The following FHIT variants were observed in gnomAD, a reference collection of about 807,000 sequenced individuals.
The protein encoded by FHIT is bis(5'-adenosyl)-triphosphatase.
In FHIT, 19 loss-of-function variants were observed where a neutral mutation model predicts 17.9. The ratio of observed to expected loss-of-function variants is 1.06; its 90% confidence interval spans 0.74 to 1.56. The LOEUF is 1.56. Among genes scored for constraint, FHIT ranks in the 40% most tolerant of loss-of-function variants. The pLI, the probability that FHIT is intolerant of heterozygous loss-of-function variation, is 0.00. For missense variants in FHIT, 248 were observed against 189.2 expected (o/e 1.31, Z -1.82); for synonymous variants, 81 against 69.7 (o/e 1.16, Z -0.81).
chr3:60,524,412 T>C (rs530980404), intron 5 of FHIT, among the ~76,000 whole-genome samples: 11 of 152,106 alleles, frequency 7.2e-5, no homozygotes, highest in South Asian at 6.2e-4. Flanking sequence ...ATCTGGGGAA[T>C]TGGCATTCCA....
At chr3:60,370,519 C>T (rs1454748612) in intron 5 of FHIT, among the ~76,000 whole-genome samples, 2 of 152,068 alleles carry the variant, frequency 1.3e-5, no homozygotes. Context: ...ATTCAAAAAC[C>T]CCACAACAGA....
At chr3:60,029,899 G>GTGTATGTGTC (rs1553655742) in intron 5 of FHIT, among the ~76,000 whole-genome samples, 1 of 123,204 alleles carries the variant, frequency 8.1e-6, no homozygotes, top group Non-Finnish European at 1.8e-5. Flanking sequence ...GTGTGTGTCT[G>GTGTATGTGTC]TGTGTGTGTG....
intron 2 of FHIT, among the ~76,000 whole-genome samples, chr3:61,110,481 T>C (rs997199888): frequency 3.3e-5 from 5 of 152,188 alleles, no homozygotes; most frequent in African/African-American, 1.2e-4. Flanking sequence ...TAATTCCTCA[T>C]GGCATTTATC....
At chr3:60,418,679 G>T (rs1053190471) in intron 5 of FHIT, among the ~76,000 whole-genome samples, 3 of 144,902 alleles carry the variant, frequency 2.1e-5, no homozygotes, top group African/African-American at 7.7e-5. Flanking sequence ...ACTAACAATT[G>T]TGTGTGATGG....
At chr3:59,940,877 C>A (rs1222457534) in intron 7 of FHIT, among the ~76,000 whole-genome samples, 1 of 152,176 alleles carries the variant, frequency 6.6e-6, no homozygotes, top group East Asian at 1.9e-4. Context: ...CAGATCTCTG[C>A]TCAAGTGTTA....
intron 7 of FHIT, among the ~76,000 whole-genome samples, chr3:59,992,202 T>A (rs1699305872): frequency 6.6e-6 from 1 of 152,036 alleles, no homozygotes; most frequent in South Asian, 2.1e-4. Context: ...TATTACTCAT[T>A]GCCACACATT....
At chr3:60,282,492 A>G (rs1002446522) in intron 5 of FHIT, among the ~76,000 whole-genome samples, 1 of 152,184 alleles carries the variant, frequency 6.6e-6, no homozygotes, top group South Asian at 2.1e-4. Flanking sequence ...GTAATGGTGG[A>G]TACACGACAA....
At chr3:60,347,084 A>C (rs115992146) in intron 5 of FHIT, among the ~76,000 whole-genome samples, 2 of 151,424 alleles carry the variant, frequency 1.3e-5, no homozygotes, top group Non-Finnish European at 2.9e-5. Flanking sequence ...TTTTTTTCCA[A>C]TGCAAAGATT....
intron 3 of FHIT, among the ~76,000 whole-genome samples, chr3:60,927,556 C>T (rs1392287875): frequency 4.6e-5 from 7 of 152,006 alleles, no homozygotes; most frequent in South Asian, 2.1e-4. Context: ...TCTGCCTGGC[C>T]GCCCATCATC....
Position 60,536,845 on chromosome 3 carries a change from A to G in FHIT, c.103+15T>C, listed in dbSNP as rs778167289. On this transcript the variant is annotated intron_variant, in intron 5 of 9. Transcript: ENST00000492590. ...ACTTTTATTTTCCCTCTCCAAAAAA[A>G]AAAAGAAAGGATACGTCCTGGTACC... The G allele has an allele frequency of 1.3e-6, 2 of 1,575,368 alleles. No individual in the cohort carries two copies. The highest frequency in any genetic ancestry group is 2.8e-5 in the African/African-American group (2 of 72,314).
Position 60,703,208 on chromosome 3 carries a change from T to C in FHIT, c.-18+118711A>G, listed in dbSNP as rs758208948. Among the ~76,000 whole-genome samples, 11 of 152,282 alleles carry C rather than the reference T, an allele frequency of 7.2e-5. No individual in the cohort carries two copies. The South Asian group carries it at 1.2e-3, about 17-fold the overall frequency. On this transcript the variant is annotated intron_variant, in intron 4 of 9. Coordinates refer to ENST00000492590, the MANE Select transcript of FHIT (RefSeq NM_002012.4). The stretch of plus-strand genomic sequence containing the variant: ...AGTAATGTGTCTGCATGCCAAGAAA[T>C]GCCAAGGACTGTTGGCAGCTACTAA...
chr3:60,507,365 G>A (rs767314460), intron 5 of FHIT, among the ~76,000 whole-genome samples: 32 of 152,174 alleles, frequency 2.1e-4, no homozygotes, highest in Non-Finnish European at 3.7e-4. Flanking sequence ...GGCATGTGGT[G>A]AGATTAGAGA....
chr3:60,063,809 C>T (rs533295761), intron 5 of FHIT, among the ~76,000 whole-genome samples: 1 of 152,052 alleles, frequency 6.6e-6, no homozygotes, highest in African/African-American at 2.4e-5. Context: ...CCCATAAAAA[C>T]AAACAAAAAA....
At chr3:60,557,717 C>T (rs1199125787) in intron 4 of FHIT, among the ~76,000 whole-genome samples, 1 of 151,888 alleles carries the variant, frequency 6.6e-6, no homozygotes, top group East Asian at 1.9e-4. Flanking sequence ...ACTCTCATTG[C>T]CACGTGGGCT....
At chr3:60,878,268 G>A (rs1297959568) in intron 3 of FHIT, among the ~76,000 whole-genome samples, 5 of 151,974 alleles carry the variant, frequency 3.3e-5, no homozygotes. Flanking sequence ...CAGGACCCAA[G>A]AGCCACAATA....
intron 5 of FHIT, among the ~76,000 whole-genome samples, chr3:60,366,150 T>C (rs1289732039): frequency 2.0e-5 from 3 of 152,192 alleles, no homozygotes; most frequent in African/African-American, 7.2e-5. Flanking sequence ...AACTGAATTT[T>C]GGTAAAAGGA....
At chr3:60,710,225 T>A (rs1326138875) in intron 4 of FHIT, among the ~76,000 whole-genome samples, 1 of 152,184 alleles carries the variant, frequency 6.6e-6, no homozygotes, top group Non-Finnish European at 1.5e-5. Context: ...AAAAGTACAG[T>A]TCAGTGCCAC....
At chr3:60,036,542 T>G (rs2106811362) in intron 5 of FHIT, among the ~76,000 whole-genome samples, 1 of 152,318 alleles carries the variant, frequency 6.6e-6, no homozygotes, top group Admixed American at 6.5e-5. Flanking sequence ...AACTTTATTT[T>G]TTCTTATTTA....
At chr3:60,359,277 C>CTTTTTTTT (rs71089599) in intron 5 of FHIT, among the ~76,000 whole-genome samples, 14 of 109,916 alleles carry the variant, frequency 1.3e-4, no homozygotes, top group African/African-American at 3.1e-4. Context: ...ATGAAAATAT[C>CTTTTTTTT]TTTTTTTTTT....
Sources: allele counts gnomAD v4.1 joint callset (sites outside exome capture counted in the v4.1 genomes callset), GRCh38; gene constraint gnomAD v4.1.1; transcripts MANE v1.5; gene names NCBI Gene and HGNC (gene_info 2026-07-23, HGNC 2026-07-21).